PTPRZ1: variants seen among roughly 807,000 people sequenced by gnomAD.
PTPRZ1 encodes the protein protein tyrosine phosphatase receptor type Z1, also known as receptor-type tyrosine-protein phosphatase zeta.
PTPRZ1 carries 82 observed loss-of-function variants against 214.1 expected under a neutral mutation model. The observed-to-expected ratio is 0.38, with a 90% CI of 0.32 to 0.46. The LOEUF is 0.46. PTPRZ1 is among the 20% of genes least tolerant of loss of function. PTPRZ1 has a pLI of 1.00. For synonymous variants in PTPRZ1, 945 were observed against 987.9 expected (o/e 0.96, Z 0.81); for missense variants, 2,603 against 2,748.7 (o/e 0.95, Z 1.19).
intron 2 of PTPRZ1, among the ~76,000 whole-genome samples, chr7:121,928,818 A>G (rs998672801): frequency 1.6e-4 from 25 of 152,172 alleles, no homozygotes; most frequent in African/African-American, 6.0e-4. Context: ...AATAGTTACA[A>G]CCAAAAATCA....
rs1228928032 is a variant in PTPRZ1, at chr7:121,983,825, AAT to A, written c.777+4_777+5del. ...CAGTTAGCATCTCTGAAAGCCAGGTAATCTTAGAAATTCAAACAAATCAAGTA... is the reference window on the plus strand; with the variant it reads ...CAGTTAGCATCTCTGAAAGCCAGGTACTTAGAAATTCAAACAAATCAAGTA... On this transcript the variant is annotated splice_donor_5th_base_variant and intron_variant, in intron 7 of 29. Coordinates refer to ENST00000393386, the MANE Select transcript of PTPRZ1 (RefSeq NM_002851.3). 1 of 1,608,468 alleles carries A rather than the reference AAT, an allele frequency of 6.2e-7. No homozygotes were observed. Among genetic ancestry groups the A allele is most frequent in the Admixed American group, 1.7e-5 (1 of 58,872 alleles).
chr7:121,883,392 T>C (rs542748161), intron 1 of PTPRZ1, among the ~76,000 whole-genome samples: 1 of 152,330 alleles, frequency 6.6e-6, no homozygotes, highest in African/African-American at 2.4e-5. Flanking sequence ...GCCTTGTATT[T>C]GTCATTTTTA....
In PTPRZ1 at chr7:121,901,090, A is replaced by C. The variant is rs184214277; in HGVS notation, c.59-27066A>C. Among the ~76,000 whole-genome samples the C allele has an allele frequency of 4.0e-3, 608 of 152,254 alleles. 7 individuals are homozygous for C. Among genetic ancestry groups the C allele is most frequent in the African/African-American group, 0.014 (563 of 41,552 alleles). ...TAGTAGTATATGTCCTGATCTATGT[A>C]CCCCGTTTTCTGTTTCTGATATTTA... On this transcript the variant is annotated intron_variant, in intron 1 of 29. Coordinates refer to ENST00000393386, the MANE Select transcript of PTPRZ1 (RefSeq NM_002851.3).
At chr7:121,928,252 G>A (rs1795822965) in intron 2 of PTPRZ1, 31 bp downstream of exon 2, 2 of 1,501,284 alleles carry the variant, frequency 1.3e-6, no homozygotes, top group South Asian at 1.3e-5. Flanking sequence ...ATGAGATTTA[G>A]CAGAAACTTT....
At chr7:121,899,258 A>G (rs1279513142) in intron 1 of PTPRZ1, among the ~76,000 whole-genome samples, 2 of 152,090 alleles carry the variant, frequency 1.3e-5, no homozygotes, top group Non-Finnish European at 2.9e-5. Flanking sequence ...ACCCAGTTCA[A>G]ATCGATTATA....
intron 1 of PTPRZ1, among the ~76,000 whole-genome samples, chr7:121,886,094 G>A (rs1794386276): frequency 6.6e-6 from 1 of 152,134 alleles, no homozygotes; most frequent in South Asian, 2.1e-4. Flanking sequence ...TGCTGGAGAT[G>A]TGTTTGGGTG....
chr7:121,873,439 C>G lies in PTPRZ1; in HGVS notation c.-61C>G, dbSNP rs1441268355. Reference sequence around the variant, plus strand: ...AAAAAAAACATTTCCTTCGCTCCCCCTCCCTCTCCACTCTGAGAAGCAGAG... The same window carrying G: ...AAAAAAAACATTTCCTTCGCTCCCCGTCCCTCTCCACTCTGAGAAGCAGAG... On this transcript the variant is annotated 5_prime_UTR_variant, in exon 1 of 30. Transcript: ENST00000393386. 5 of 1,556,344 alleles carry G rather than the reference C, an allele frequency of 3.2e-6. No homozygotes were observed. Among genetic ancestry groups the G allele is most frequent in the Non-Finnish European group, 4.4e-6 (5 of 1,132,030 alleles).
intron 23 of PTPRZ1, among the ~76,000 whole-genome samples, chr7:122,045,728 CA>C (rs997882909): frequency 6.2e-5 from 9 of 146,012 alleles, no homozygotes; most frequent in Middle Eastern, 3.6e-3. Context: ...TTACCCATTT[CA>C]AAAAAACTCT....
intron 1 of PTPRZ1, among the ~76,000 whole-genome samples, chr7:121,914,585 G>A (rs977970972): frequency 1.3e-5 from 2 of 152,110 alleles, no homozygotes; most frequent in African/African-American, 2.4e-5. Flanking sequence ...TCCTTGGGAC[G>A]TGCCTTGAAT....
intron 1 of PTPRZ1, among the ~76,000 whole-genome samples, chr7:121,899,963 T>A (rs1206476): frequency 6.6e-6 from 1 of 152,158 alleles, no homozygotes; most frequent in African/African-American, 2.4e-5. Flanking sequence ...GCTATTGGAA[T>A]GGACACAGAT....
Position 121,894,792 on chromosome 7 carries a change from T to TC in PTPRZ1, c.58+21240dup, listed in dbSNP as rs1316201182. ...TGTCTTAAGGATATGTAGTTTGGAT[T>TC]CCCCCTGACATTTCCTTGGATTTTG... On this transcript the variant is annotated intron_variant, in intron 1 of 29. Transcript: ENST00000393386. Among the ~76,000 whole-genome samples, 3 of 152,304 alleles carry TC rather than the reference T, an allele frequency of 2.0e-5. No homozygotes were observed. In the East Asian group the frequency reaches 5.8e-4, roughly 29 times the overall value.
chr7:122,036,979 T>C (rs889007225), intron 18 of PTPRZ1, among the ~76,000 whole-genome samples: 1 of 152,118 alleles, frequency 6.6e-6, no homozygotes, highest in Admixed American at 6.6e-5. Context: ...ACTCTTTAGA[T>C]GTGAAGGGCA....
At chr7:121,898,464 A>T (rs577761529) in intron 1 of PTPRZ1, among the ~76,000 whole-genome samples, 1 of 152,290 alleles carries the variant, frequency 6.6e-6, no homozygotes, top group East Asian at 1.9e-4. Context: ...AATGTAATAG[A>T]TATTGTCTCC....
chr7:121,967,917 A>G, intron 2 of PTPRZ1, 34 bp from the exon 3 acceptor site: 1 of 1,452,756 alleles, frequency 6.9e-7, no homozygotes, highest in South Asian at 1.3e-5. Flanking sequence ...TGGTAATTTA[A>G]GAAACTAAAT....
chr7:121,951,878 G>A (rs1796550787), intron 2 of PTPRZ1, among the ~76,000 whole-genome samples: 1 of 152,120 alleles, frequency 6.6e-6, no homozygotes, highest in Non-Finnish European at 1.5e-5. Flanking sequence ...TTACTGAATA[G>A]ACTGTTAGAG....
At chr7:121,923,703 G>GA (rs1437199340) in intron 1 of PTPRZ1, among the ~76,000 whole-genome samples, 3 of 151,082 alleles carry the variant, frequency 2.0e-5, no homozygotes, top group South Asian at 2.1e-4. Context: ...ACTTGGTGGG[G>GA]GGGTGGTAAA....
chr7:121,948,255 A>G (rs1304311280), intron 2 of PTPRZ1, among the ~76,000 whole-genome samples: 3 of 152,170 alleles, frequency 2.0e-5, no homozygotes, highest in Non-Finnish European at 4.4e-5. Context: ...CTTACATTCT[A>G]TTAGAAAGAA....
At chr7:122,038,655 T>G (rs1799623308) in intron 18 of PTPRZ1, 100 bp from the exon 19 acceptor site, 4 of 1,190,772 alleles carry the variant, frequency 3.4e-6, no homozygotes, top group Non-Finnish European at 4.6e-6. Context: ...ATGGTTTTCT[T>G]TTACGAAAAA....
chr7:121,976,934 T>C, intron 6 of PTPRZ1, 83 bp downstream of exon 6: 2 of 1,161,556 alleles, frequency 1.7e-6, no homozygotes, highest in South Asian at 3.3e-5. Context: ...AAGTCACTTG[T>C]TCCAAAAGGT....
Sources: allele counts gnomAD v4.1 joint callset (sites outside exome capture counted in the v4.1 genomes callset), GRCh38; gene constraint gnomAD v4.1.1; transcripts MANE v1.5; gene names NCBI Gene and HGNC (gene_info 2026-07-23, HGNC 2026-07-21).